SMARCA2: variants seen among roughly 807,000 people sequenced by gnomAD.
SMARCA2 encodes the protein SWI/SNF related BAF chromatin remodeling complex subunit ATPase 2.
SMARCA2 carries 61 observed loss-of-function variants against 199.8 expected under a neutral mutation model. The observed-to-expected ratio is 0.31, with a 90% CI of 0.25 to 0.38. The LOEUF (loss-of-function observed/expected upper bound fraction) is 0.38. SMARCA2 is among the 10% of genes least tolerant of loss of function. The pLI is 1.00. For synonymous variants in SMARCA2, 935 were observed against 732.0 expected (o/e 1.28, Z -4.48); for missense variants, 1,344 against 2,012.2 (o/e 0.67, Z 6.35).
chr9:2,168,382 T>C (rs1826048139), intron 28 of SMARCA2, among the ~76,000 whole-genome samples: 1 of 152,226 alleles, frequency 6.6e-6, no homozygotes, highest in Non-Finnish European at 1.5e-5. Flanking sequence ...GTGGACTAAT[T>C]GTAGTTAATT....
At position 2,185,516 on chromosome 9, in the gene SMARCA2, T is replaced by A. The variant is rs530527652; in HGVS notation, c.4462-580T>A. Among the ~76,000 whole-genome samples the A allele has an allele frequency of 6.5e-4, 99 of 152,386 alleles. 1 individual carries two copies. The highest frequency in any genetic ancestry group is 2.3e-3 in the African/African-American group (95 of 41,588). On this transcript the variant is annotated intron_variant, in intron 31 of 33. Transcript: ENST00000349721. ...TTTCAAGACGCCTCTTGTGATTCTT[T>A]ATATACCCAGAAGTGGGGCTGCTGG...
chr9:2,100,887 C>T (rs889267730), intron 21 of SMARCA2, among the ~76,000 whole-genome samples: 1 of 152,060 alleles, frequency 6.6e-6, no homozygotes, highest in African/African-American at 2.4e-5. Flanking sequence ...ACTCACAGTT[C>T]CACATGGTTG....
At chr9:2,143,774 G>A in intron 27 of SMARCA2, among the ~76,000 whole-genome samples, 1 of 152,212 alleles carries the variant, frequency 6.6e-6, no homozygotes, top group East Asian at 1.9e-4. Flanking sequence ...TGATAAACTT[G>A]ATTTGTGATG....
intron 29 of SMARCA2, among the ~76,000 whole-genome samples, chr9:2,173,308 A>G (rs1158598759): frequency 1.3e-5 from 2 of 152,168 alleles, no homozygotes; most frequent in East Asian, 3.9e-4. Flanking sequence ...TGTTGTTAGT[A>G]TTGACTGCTC....
intron 1 of SMARCA2, 134 bp from the exon 2 acceptor site, chr9:2,028,853 C>A: frequency 1.4e-6 from 1 of 705,366 alleles, no homozygotes; most frequent in Non-Finnish European, 2.4e-6. Flanking sequence ...CTCACTCAAA[C>A]ATCTGGACTA....
intron 27 of SMARCA2, among the ~76,000 whole-genome samples, chr9:2,154,030 A>T (rs986532418): frequency 3.9e-5 from 6 of 152,216 alleles, no homozygotes; most frequent in Admixed American, 6.5e-5. Flanking sequence ...CTGGTAGTTA[A>T]GGGTGTGGTT....
intron 27 of SMARCA2, among the ~76,000 whole-genome samples, chr9:2,137,053 A>G (rs1824226641): frequency 6.6e-6 from 1 of 152,110 alleles, no homozygotes. Flanking sequence ...AGCCTTCTTA[A>G]CACCGCCAGT....
intron 27 of SMARCA2, chr9:2,160,126 T>C: frequency 1.7e-6 from 1 of 582,938 alleles, no homozygotes; most frequent in African/African-American, 1.9e-5. Flanking sequence ...TTCCTTTTCT[T>C]AATCTTCGCT....
At chr9:2,158,461 A>G (rs1825489802) in intron 27 of SMARCA2, 1 of 153,790 alleles carries the variant, frequency 6.5e-6, no homozygotes, top group South Asian at 2.1e-4. Flanking sequence ...TATTCACTTC[A>G]TTAAATCTAG....
intron 24 of SMARCA2, among the ~76,000 whole-genome samples, chr9:2,113,031 T>C (rs142386778): frequency 3.9e-4 from 59 of 152,344 alleles, no homozygotes; most frequent in African/African-American, 1.3e-3. Context: ...CACCCTTGCA[T>C]ATAGATTGTA....
At chr9:2,058,232 C>T in intron 7 of SMARCA2, 59 bp from the exon 8 acceptor site, 1 of 1,446,050 alleles carries the variant, frequency 6.9e-7, no homozygotes, top group Non-Finnish European at 9.7e-7. Flanking sequence ...ACTGATAGCT[C>T]AGAGGACACT....
intron 19 of SMARCA2, among the ~76,000 whole-genome samples, chr9:2,089,966 A>G (rs12001403): frequency 0.15 from 23,129 of 152,152 alleles, 2,198 homozygotes; most frequent in African/African-American, 0.26. Context: ...TATTCATTCC[A>G]TAAGACTTCT....
chr9:2,116,177 G>C, intron 25 of SMARCA2, 128 bp downstream of exon 25: 1 of 699,846 alleles, frequency 1.4e-6, no homozygotes, highest in Non-Finnish European at 2.5e-6. Context: ...ATAAACTGCT[G>C]TTTTAGATCC....
At chr9:2,054,023 A>G (rs1426281311) in intron 5 of SMARCA2, among the ~76,000 whole-genome samples, 1 of 152,170 alleles carries the variant, frequency 6.6e-6, no homozygotes, top group African/African-American at 2.4e-5. Flanking sequence ...AGCTCTGCTC[A>G]CAGAGGAAGT....
At chr9:2,047,119 A>T in intron 4 of SMARCA2, 110 bp from the exon 5 acceptor site, 1 of 805,016 alleles carries the variant, frequency 1.2e-6, no homozygotes, top group Non-Finnish European at 1.5e-6. Context: ...TCAGGTGTTT[A>T]AGACACTTAA....
chr9:2,127,708 A>G (rs1823757878), intron 27 of SMARCA2, among the ~76,000 whole-genome samples: 1 of 152,274 alleles, frequency 6.6e-6, no homozygotes, highest in Admixed American at 6.5e-5. Flanking sequence ...CTGTGAGCCC[A>G]GGAAAACAAA....
chr9:2,179,336 A>AGAT (rs1228292740), intron 29 of SMARCA2, among the ~76,000 whole-genome samples: 6 of 152,254 alleles, frequency 3.9e-5, no homozygotes, highest in Admixed American at 3.3e-4. Context: ...AGTCTTCCAT[A>AGAT]GATAACTTCC....
At chr9:2,026,865 T>A (rs1044966944) in intron 1 of SMARCA2, among the ~76,000 whole-genome samples, 1 of 152,224 alleles carries the variant, frequency 6.6e-6, no homozygotes, top group African/African-American at 2.4e-5. Context: ...AAGTTCCGTC[T>A]GCTTTGTTCA....
At chr9:2,163,524 A>G (rs1825790668) in intron 28 of SMARCA2, among the ~76,000 whole-genome samples, 1 of 152,240 alleles carries the variant, frequency 6.6e-6, no homozygotes, top group African/African-American at 2.4e-5. Flanking sequence ...TGCCACAGAA[A>G]GGGACAGTAT....
Sources: allele counts gnomAD v4.1 joint callset (sites outside exome capture counted in the v4.1 genomes callset), GRCh38; gene constraint gnomAD v4.1.1; transcripts MANE v1.5; gene names NCBI Gene and HGNC (gene_info 2026-07-23, HGNC 2026-07-21).